FABP7: variants seen among roughly 807,000 people sequenced by gnomAD.
FABP7 encodes fatty acid-binding protein, brain.
In FABP7, 13 loss-of-function variants were observed where a neutral mutation model predicts 14.2. The observed-to-expected ratio is 0.91, with a 90% confidence interval of 0.59 to 1.45. The LOEUF (loss-of-function observed/expected upper bound fraction) is 1.45, where lower values mean the gene tolerates loss of function less well. FABP7 is among the 40% of genes most tolerant of loss of function. The probability of loss-of-function intolerance (pLI) is 0.00; values close to 1 mark genes in which losing one functional copy is unlikely to be tolerated. For synonymous variants in FABP7, 49 were observed against 51.4 expected (o/e 0.95, Z 0.20); for missense variants, 149 against 157.6 (o/e 0.95, Z 0.29).
At position 122,784,016 on chromosome 6, in the gene FABP7, C is replaced by T. The variant is rs1158968372; in HGVS notation, c.*249C>T. ...CCTTTTTTTTATAAACAAGTGAATA[C>T]ATTTTATAATTTCTTTTGGAATGTA... On this transcript the variant is annotated 3_prime_UTR_variant, in exon 4 of 4. Transcript: ENST00000368444. 4 of 315,286 alleles carry T rather than the reference C, an allele frequency of 1.3e-5. No homozygotes were observed. The East Asian group carries it at 2.0e-4, about 16-fold the overall frequency. The allele number at this position is 315,286 out of a possible 1,614,324, so 19.5% of individuals were successfully genotyped here.
upstream of FABP7, chr6:122,779,450 C>T (rs543932300): frequency 6.6e-4 from 160 of 244,144 alleles, 2 homozygotes; most frequent in African/African-American, 3.4e-3. Context: ...TCCCTGCCTC[C>T]AGCCCCATTG....
rs1428199980 is a variant in FABP7, at chr6:122,780,956, A to G, written c.247-137A>G. On this transcript the variant is annotated intron_variant, in intron 2 of 3. Transcript: ENST00000368444. ...TTTACATAATAGAAAATCTAGAAGT[A>G]ATAGAAATAACAATAGGATAATTAA... The G allele has an allele frequency of 3.9e-6, 4 of 1,016,856 alleles. No homozygotes were observed. The African/African-American group carries it at 6.6e-5, about 17-fold the overall frequency. 63.0% of individuals were successfully genotyped at this position (1,016,856 alleles called of 1,614,324 possible). A position where few individuals can be genotyped will look rare whatever the true frequency, so the allele number is the denominator to read the frequency against.
chr6:122,780,184 G>C, intron 1 of FABP7, 107 bp from the exon 2 acceptor site: 1 of 1,206,434 alleles, frequency 8.3e-7, no homozygotes. Context: ...ATGTTCTAAT[G>C]AAACTTACAC....
chr6:122,758,089 G>A, the FABP7 span, among the ~76,000 whole-genome samples: 3 of 138,242 alleles, frequency 2.2e-5, no homozygotes, highest in Non-Finnish European at 4.7e-5. Flanking sequence ...GTAAATTTGT[G>A]AATTATATTA....
the FABP7 span, among the ~76,000 whole-genome samples, chr6:122,769,147 A>T: frequency 6.6e-6 from 1 of 152,150 alleles, no homozygotes; most frequent in African/African-American, 2.4e-5. Context: ...CATTGGTAGC[A>T]GCAGCAGGAA....
intron 3 of FABP7, 97 bp downstream of exon 3, chr6:122,781,291 CTCCT>C (rs747116896): frequency 1.3e-6 from 2 of 1,556,724 alleles, no homozygotes; most frequent in Non-Finnish European, 1.7e-6. Flanking sequence ...TCCATTCTTC[CTCCT>C]TCCTTCCTTC....
At chr6:122,782,777 A>T (rs1334446992) in intron 3 of FABP7, 22 of 985,218 alleles carry the variant, frequency 2.2e-5, no homozygotes, top group South Asian at 1.4e-4. Context: ...GCATTGAGAT[A>T]TTCATGTTTC....
upstream of FABP7, among the ~76,000 whole-genome samples, chr6:122,776,715 T>C (rs986812158): frequency 6.6e-6 from 1 of 152,196 alleles, no homozygotes; most frequent in Non-Finnish European, 1.5e-5. Context: ...AGGTGATAAA[T>C]ATCATAATTA....
At chr6:122,783,663 T>C in intron 3 of FABP7, 54 bp from the exon 4 acceptor site, 1 of 1,549,916 alleles carries the variant, frequency 6.5e-7, no homozygotes, top group Non-Finnish European at 8.6e-7. Flanking sequence ...TCTTTAAAAT[T>C]CGGTGACTGA....
At chr6:122,778,442 C>T (rs1027716812), upstream of FABP7, among the ~76,000 whole-genome samples, 1 of 152,108 alleles carries the variant, frequency 6.6e-6, no homozygotes, top group Non-Finnish European at 1.5e-5. Context: ...CGTAGGAGGC[C>T]TTCTGAGCCT....
At chr6:122,760,347 C>T in the FABP7 span, among the ~76,000 whole-genome samples, 1 of 152,170 alleles carries the variant, frequency 6.6e-6, no homozygotes, top group Non-Finnish European at 1.5e-5. Context: ...TACTTTATCT[C>T]ATAATATAAC....
the FABP7 span, among the ~76,000 whole-genome samples, chr6:122,773,886 TA>T: frequency 6.6e-6 from 1 of 150,756 alleles, no homozygotes; most frequent in South Asian, 2.1e-4. Flanking sequence ...CACTACTTTT[TA>T]AAAAAAACAA....
At chr6:122,759,789 T>C in the FABP7 span, among the ~76,000 whole-genome samples, 6 of 152,176 alleles carry the variant, frequency 3.9e-5, no homozygotes, top group African/African-American at 1.2e-4. Context: ...ATGATTCATT[T>C]GGAAATGCCA....
At position 122,783,701 on chromosome 6, in the gene FABP7, C is replaced by G; in HGVS notation, c.349-16C>G. ...TTCCTGTATAAAAAGATTTGATTAT[C>G]TTTTGAACCTTGCAGACCCTTACTT... On this transcript the variant is annotated splice_polypyrimidine_tract_variant and intron_variant, in intron 3 of 3. Coordinates refer to ENST00000368444, the MANE Select transcript of FABP7 (RefSeq NM_001446.5). 1.9e-6 allele frequency: 3 copies of G among 1,589,936 alleles called. No homozygotes were observed. The South Asian group carries it at 3.5e-5, about 19-fold the overall frequency.
chr6:122,780,050 C>T (rs1178310286), intron 1 of FABP7, among the ~76,000 whole-genome samples, 183 bp downstream of exon 1: 1 of 152,188 alleles, frequency 6.6e-6, no homozygotes, highest in African/African-American at 2.4e-5. Context: ...CCTTCTTACC[C>T]AGGGCCAATA....
At chr6:122,783,048 A>G (rs1780833591) in intron 3 of FABP7, 7 of 985,416 alleles carry the variant, frequency 7.1e-6, no homozygotes, top group African/African-American at 1.7e-5. Context: ...AGGATATACT[A>G]TACTCCTGAA....
chr6:122,764,394 G>C, the FABP7 span, among the ~76,000 whole-genome samples: 1 of 152,050 alleles, frequency 6.6e-6, no homozygotes, highest in South Asian at 2.1e-4. Flanking sequence ...GTCATGGGGT[G>C]GGGGGAGTGG....
the FABP7 span, among the ~76,000 whole-genome samples, chr6:122,756,926 C>T: frequency 6.6e-6 from 1 of 152,058 alleles, no homozygotes; most frequent in African/African-American, 2.4e-5. Context: ...TGTCTGGATC[C>T]TTCTATTCTT....
upstream of FABP7, among the ~76,000 whole-genome samples, chr6:122,775,347 G>GA (rs34222931): frequency 0.78 from 118,296 of 151,972 alleles, 48,698 homozygotes; most frequent in Non-Finnish European, 0.9. Flanking sequence ...AGAGTACACA[G>GA]AAAAAGTTTT....
Sources: gnomAD v4.1 joint callset for allele counts (sites outside exome capture counted in the v4.1 genomes callset) on GRCh38, gnomAD v4.1.1 for gene constraint, MANE v1.5 for transcripts, NCBI Gene and HGNC (gene_info 2026-07-23, HGNC 2026-07-21) for gene names.